The following MDGA1 variants were observed in gnomAD, a reference collection of about 807,000 sequenced individuals.
MDGA1 encodes the protein MAM domain-containing glycosylphosphatidylinositol anchor protein 1.
A neutral mutation model predicts 101.5 loss-of-function variants in MDGA1; 54 were observed. The ratio of observed to expected loss-of-function variants is 0.53; its 90% CI spans 0.43 to 0.67. The LOEUF (loss-of-function observed/expected upper bound fraction) is 0.67, where lower values mean the gene tolerates loss of function less well. Among genes scored for constraint, MDGA1 ranks in the 30% least tolerant of loss-of-function variants. The pLI is 0.00. For missense variants in MDGA1, 1,083 were observed against 1,323.8 expected (o/e 0.82, Z 2.82); for synonymous variants, 533 against 558.3 (o/e 0.95, Z 0.64).
In MDGA1 at chr6:37,697,066, A is replaced by C; in HGVS notation, c.-255T>G. The C allele has an allele frequency of 2.7e-6, 1 of 371,344 alleles. No homozygotes were observed. The highest frequency in any genetic ancestry group is 4.8e-6 in the Non-Finnish European group (1 of 210,478). 23.0% of individuals were successfully genotyped at this position (371,344 alleles called of 1,614,324 possible). ...CCGGGTGCCTCGGCGCGCCCGGCAC[A>C]GCAGCCAGCGCCCCGACCCGAGGAG... On this transcript the variant is annotated 5_prime_UTR_variant, in exon 1 of 17. Coordinates refer to ENST00000434837, the MANE Select transcript of MDGA1 (RefSeq NM_153487.4).
At chr6:37,664,446 C>T (rs907738890) in intron 1 of MDGA1, 5 of 207,952 alleles carry the variant, frequency 2.4e-5, no homozygotes, top group South Asian at 1.6e-4. Flanking sequence ...TGGATGCCAT[C>T]GGTGCCCCTC....
At chr6:37,663,111 G>A (rs187978877) in intron 2 of MDGA1, among the ~76,000 whole-genome samples, 143 of 152,244 alleles carry the variant, frequency 9.4e-4, no homozygotes, top group Non-Finnish European at 1.8e-3. Flanking sequence ...GGATCCAACT[G>A]TCACCCTTTC....
Position 37,654,528 on chromosome 6 carries a change from T to G in MDGA1, c.728A>C (p.Lys243Thr), listed in dbSNP as rs779626869. The change falls in exon 6 of 17, where the codon AAG becomes ACG. Residue 243 changes from lysine to threonine, a missense_variant. Lys to Thr is a moderately conservative substitution (Grantham distance 78, BLOSUM62 -1). Coordinates refer to ENST00000434837, the MANE Select transcript of MDGA1 (RefSeq NM_153487.4). ...LTNTTAPPAL[K>T]LSVNETLVVN... ...CACCAGAGTTTCGTTCACAGACAGC[T>G]TCAGGGCTGGTGGTGCTAAGAGGAC... is the stretch of plus-strand genomic sequence containing the variant. The G allele has an allele frequency of 6.2e-7, 1 of 1,613,968 alleles. No homozygotes were observed. The highest frequency in any genetic ancestry group is 1.1e-5 in the South Asian group (1 of 91,078).
At position 37,633,097 on chromosome 6, in the gene MDGA1, G is replaced by C. The variant is rs1297579149; in HGVS notation, c.*4271C>G. On this transcript the variant is annotated 3_prime_UTR_variant, in exon 17 of 17. Transcript: ENST00000434837. ...TCCCTCTGGACCTCGCCTGTACAAT[G>C]GGGGCACCAGCTTAGATGCTCCCTA... 1 of 152,096 alleles carries C rather than the reference G, an allele frequency of 6.6e-6. No homozygotes were observed. 9.4% of individuals were successfully genotyped at this position (152,096 alleles called of 1,614,324 possible). A position where few individuals can be genotyped will look rare whatever the true frequency, so the allele number is the denominator to read the frequency against.
Position 37,655,900 on chromosome 6 carries a change from CA to C in MDGA1, c.383-5del. 1 of 1,609,664 alleles carries C rather than the reference CA, an allele frequency of 6.2e-7. No homozygotes were observed. Among genetic ancestry groups the C allele is most frequent in the Non-Finnish European group, 8.5e-7 (1 of 1,177,948 alleles). ...GTCAGCATTGGCTCATCCAGGTCTG[CA>C]AGGGCACAGCCCCCATGGAGTCAGG... On this transcript the variant is annotated splice_region_variant and splice_polypyrimidine_tract_variant and intron_variant, in intron 3 of 16. Coordinates refer to ENST00000434837, the MANE Select transcript of MDGA1 (RefSeq NM_153487.4). This position sits in a 1 kb window ranked among gnomAD's most constrained non-coding sequence, Gnocchi z 5.1.
Position 37,684,304 on chromosome 6 carries a change from C to T in MDGA1, c.67+12441G>A, listed in dbSNP as rs148035926. On this transcript the variant is annotated intron_variant, in intron 1 of 16. Transcript: ENST00000434837. Reference sequence around the variant, plus strand: ...AGGCTCACCTTCCTACCCACAAGGGCGGGGGAAGCCCTGACATTTCCAATA... The same window carrying T: ...AGGCTCACCTTCCTACCCACAAGGGTGGGGGAAGCCCTGACATTTCCAATA... Among the ~76,000 whole-genome samples the T allele has an allele frequency of 4.4e-3, 664 of 152,286 alleles. 5 individuals carry two copies. The highest frequency in any genetic ancestry group is 0.017 in the Middle Eastern group (5 of 294).
chr6:37,691,114 T>A (rs1340452060), intron 1 of MDGA1, among the ~76,000 whole-genome samples: 1 of 152,160 alleles, frequency 6.6e-6, no homozygotes, highest in Non-Finnish European at 1.5e-5. Flanking sequence ...ATCTTATTCA[T>A]CTCAGTAGCC....
chr6:37,650,525 A>G (rs1761338052), intron 7 of MDGA1, 120 bp from the exon 8 acceptor site: 1 of 1,081,524 alleles, frequency 9.2e-7, no homozygotes, highest in Non-Finnish European at 1.2e-6. Flanking sequence ...CCCATCCCAG[A>G]CTTCCGACTG....
chr6:37,650,686 C>T (rs962080480), intron 7 of MDGA1, among the ~76,000 whole-genome samples: 1 of 152,212 alleles, frequency 6.6e-6, no homozygotes, highest in African/African-American at 2.4e-5. Context: ...CTAGGGATTC[C>T]ACCTCTTAAA....
chr6:37,644,452 C>A (rs761400856), intron 13 of MDGA1, 45 bp downstream of exon 13: 2 of 1,493,202 alleles, frequency 1.3e-6, no homozygotes, highest in Non-Finnish European at 1.8e-6. Flanking sequence ...CCTAGACACC[C>A]CCCTGAAGCA....
intron 2 of MDGA1, among the ~76,000 whole-genome samples, chr6:37,661,751 G>A (rs1761628732): frequency 6.6e-6 from 1 of 152,140 alleles, no homozygotes; most frequent in Admixed American, 6.5e-5. Context: ...CCATCCCTAG[G>A]AGCTTGAATG....
In MDGA1 at chr6:37,696,922, T is replaced by TGAGAGA. The variant is rs910076551; in HGVS notation, c.-117_-112dup. On this transcript the variant is annotated 5_prime_UTR_variant, in exon 1 of 17. Coordinates refer to ENST00000434837, the MANE Select transcript of MDGA1 (RefSeq NM_153487.4). The surrounding 1 kb of genome is among the most constrained non-coding windows in gnomAD (Gnocchi z 5.6). ...TATGTCCCCCCCTTTCCCTGAGAGG[T>TGAGAGA]GAGAGAGAGAGCGGCGACGAAGACC... is the stretch of plus-strand genomic sequence containing the variant. The TGAGAGA allele has an allele frequency of 1.6e-5, 14 of 878,034 alleles. No individual in the cohort carries two copies. In the African/African-American group the frequency reaches 2.4e-4, roughly 15 times the overall value. 54.4% of individuals were successfully genotyped at this position (878,034 alleles called of 1,614,324 possible). A position where few individuals can be genotyped will look rare whatever the true frequency, so the allele number is the denominator to read the frequency against.
chr6:37,693,552 G>A (rs1372731838), intron 1 of MDGA1, among the ~76,000 whole-genome samples: 1 of 152,214 alleles, frequency 6.6e-6, no homozygotes, highest in Admixed American at 6.5e-5. Flanking sequence ...TTGTGTTTTT[G>A]TAAGGGAGAG....
intron 1 of MDGA1, among the ~76,000 whole-genome samples, chr6:37,672,024 C>T (rs1171843705): frequency 6.6e-6 from 1 of 151,612 alleles, no homozygotes; most frequent in Non-Finnish European, 1.5e-5. Context: ...ACCTGTGTTC[C>T]CAGTTACTCG....
chr6:37,696,100 G>A lies in MDGA1; in HGVS notation c.67+645C>T, dbSNP rs1030462270. On this transcript the variant is annotated intron_variant, in intron 1 of 16. Transcript: ENST00000434837. This position sits in a 1 kb window ranked among gnomAD's most constrained non-coding sequence, Gnocchi z 5.6. ...CTGGGGATGGTGGCTGAATGTATCT[G>A]TGTGTGCGCGCAGGAAGGAAGGTGG... is the stretch of plus-strand genomic sequence containing the variant. Among the ~76,000 whole-genome samples the A allele has an allele frequency of 1.3e-5, 2 of 152,208 alleles. No individual in the cohort carries two copies. The highest frequency in any genetic ancestry group is 2.9e-5 in the Non-Finnish European group (2 of 68,034).
Position 37,696,682 on chromosome 6 carries a change from T to C in MDGA1, c.67+63A>G. 2 of 1,482,950 alleles carry C rather than the reference T, an allele frequency of 1.3e-6. No individual in the cohort carries two copies. The highest frequency in any genetic ancestry group is 1.8e-6 in the Non-Finnish European group (2 of 1,084,294). 91.9% of individuals were successfully genotyped at this position (1,482,950 alleles called of 1,614,324 possible). ...CACCAAACCCCGGCAGCGCGCACTT[T>C]GCGCCTCTTGCAAAGTTTCCGCGCG... On this transcript the variant is annotated intron_variant, in intron 1 of 16. Transcript: ENST00000434837. This position sits in a 1 kb window ranked among gnomAD's most constrained non-coding sequence, Gnocchi z 5.6.
intron 1 of MDGA1, among the ~76,000 whole-genome samples, chr6:37,688,217 G>A (rs1762238043): frequency 6.6e-6 from 1 of 152,210 alleles, no homozygotes; most frequent in Non-Finnish European, 1.5e-5. Flanking sequence ...CTGTGCCCAA[G>A]AATCATCTAA....
chr6:37,694,886 AAC>A (rs1196315499), intron 1 of MDGA1, among the ~76,000 whole-genome samples: 3 of 152,030 alleles, frequency 2.0e-5, no homozygotes, highest in African/African-American at 7.3e-5. Flanking sequence ...GAGGGGAGAA[AAC>A]ACAGAGAGAA....
rs1478072847 is a variant in MDGA1, at chr6:37,635,920, C to T, written c.*1448G>A. On this transcript the variant is annotated 3_prime_UTR_variant, in exon 17 of 17. Transcript: ENST00000434837. ...TGACGTACACGGACATTCATAGAAACGAATGGGTCTCAATCCAGTCTCACA... is the reference window on the plus strand; with the variant it reads ...TGACGTACACGGACATTCATAGAAATGAATGGGTCTCAATCCAGTCTCACA... 2.3e-5 allele frequency: 9 copies of T among 396,740 alleles called. No individual in the cohort carries two copies. The highest frequency in any genetic ancestry group is 4.4e-5 in the Admixed American group (1 of 22,658). The allele number at this position is 396,740 out of a possible 1,614,324, so 24.6% of individuals were successfully genotyped here.
Sources: gnomAD v4.1 joint callset for allele counts (sites outside exome capture counted in the v4.1 genomes callset) on GRCh38, gnomAD v4.1.1 for gene constraint, Gnocchi (gnomAD v3.1) non-coding constraint, MANE v1.5 for transcripts, NCBI Gene and HGNC (gene_info 2026-07-23, HGNC 2026-07-21) for gene names.